The following IGSF10 variants were observed in gnomAD, a reference collection of about 807,000 sequenced individuals.
IGSF10 encodes the protein immunoglobulin superfamily member 10.
A neutral mutation model predicts 128.2 loss-of-function variants in IGSF10; 126 were observed. The ratio of observed to expected loss-of-function variants is 0.98; its 90% CI spans 0.85 to 1.14. The LOEUF is 1.14. Among genes scored for constraint, IGSF10 ranks in the 50% most tolerant of loss-of-function variants. The pLI, the probability that IGSF10 is intolerant of heterozygous loss-of-function variation, is 0.00. For missense variants in IGSF10, 3,295 were observed against 3,149.8 expected (o/e 1.05, Z -1.10); for synonymous variants, 1,185 against 1,146.2 (o/e 1.03, Z -0.68).
the IGSF10 span, among the ~76,000 whole-genome samples, chr3:151,617,296 T>TTCTTCC: frequency 7.6e-6 from 1 of 130,918 alleles, no homozygotes; most frequent in Non-Finnish European, 1.6e-5. Context: ...CTTCTTCTTC[T>TTCTTCC]TCTTCTTCTT....
At chr3:151,529,993 A>G in the IGSF10 span, among the ~76,000 whole-genome samples, 11 of 151,978 alleles carry the variant, frequency 7.2e-5, no homozygotes, top group Non-Finnish European at 1.3e-4. Flanking sequence ...TAACTAGAAT[A>G]ATCAGTTTAG....
chr3:151,432,553 A>T (rs553077248), downstream of IGSF10, among the ~76,000 whole-genome samples: 9 of 152,298 alleles, frequency 5.9e-5, no homozygotes, highest in South Asian at 4.1e-4. Context: ...GCAAGTGTGG[A>T]CTGTGAATAA....
chr3:151,545,478 T>C, the IGSF10 span, among the ~76,000 whole-genome samples: 2 of 152,342 alleles, frequency 1.3e-5, no homozygotes, highest in African/African-American at 4.8e-5. Context: ...TGCTAAATAA[T>C]AGGCTTTCTA....
chr3:151,500,575 A>C, the IGSF10 span, among the ~76,000 whole-genome samples: 1 of 152,044 alleles, frequency 6.6e-6, no homozygotes, highest in Non-Finnish European at 1.5e-5. Context: ...TTTTAAATTC[A>C]TTTTCTTAGA....
At chr3:151,481,372 T>C in the IGSF10 span, among the ~76,000 whole-genome samples, 1 of 152,182 alleles carries the variant, frequency 6.6e-6, no homozygotes, top group Admixed American at 6.5e-5. Context: ...CATCTTTCCA[T>C]TCTTGGGTCC....
chr3:151,509,849 G>C, the IGSF10 span, among the ~76,000 whole-genome samples: 2 of 152,178 alleles, frequency 1.3e-5, no homozygotes, highest in African/African-American at 4.8e-5. Context: ...GGCTCAGAGG[G>C]TCTTACACCC....
the IGSF10 span, among the ~76,000 whole-genome samples, chr3:151,528,195 T>C: frequency 3.3e-5 from 5 of 152,184 alleles, no homozygotes; most frequent in African/African-American, 9.7e-5. Flanking sequence ...AGCAGTGAAC[T>C]TGAAACATAA....
chr3:151,560,659 A>G, the IGSF10 span, among the ~76,000 whole-genome samples: 1 of 152,060 alleles, frequency 6.6e-6, no homozygotes, highest in East Asian at 1.9e-4. Context: ...AAGGTCTGGG[A>G]CTACTCATGT....
chr3:151,439,854 T>G (rs1031685145), intron 7 of IGSF10, among the ~76,000 whole-genome samples: 2 of 152,220 alleles, frequency 1.3e-5, no homozygotes, highest in African/African-American at 4.8e-5. Context: ...CAGTGGAGAC[T>G]CAACTGGTGC....
At chr3:151,463,966 A>G (rs957880567), upstream of IGSF10, among the ~76,000 whole-genome samples, 13 of 152,224 alleles carry the variant, frequency 8.5e-5, no homozygotes, top group Non-Finnish European at 1.8e-4. Context: ...CTATAGATTC[A>G]TATGGTTTAC....
the IGSF10 span, among the ~76,000 whole-genome samples, chr3:151,561,062 A>G: frequency 7.9e-5 from 12 of 152,166 alleles, no homozygotes; most frequent in Non-Finnish European, 1.6e-4. Flanking sequence ...ATTCTTTGAT[A>G]AAATCTGGTT....
At chr3:151,519,853 C>T in the IGSF10 span, among the ~76,000 whole-genome samples, 39 of 151,772 alleles carry the variant, frequency 2.6e-4, no homozygotes, top group African/African-American at 9.4e-4. Flanking sequence ...CAGTAAACAT[C>T]TCCCAGTGAG....
the IGSF10 span, among the ~76,000 whole-genome samples, chr3:151,548,881 A>G: frequency 4.0e-5 from 6 of 151,692 alleles, no homozygotes; most frequent in African/African-American, 1.5e-4. Context: ...ATTTCCAAAC[A>G]TTATTTTTCT....
the IGSF10 span, among the ~76,000 whole-genome samples, chr3:151,525,002 CTTTTTTTTTTTTTTTTTTTTTTTTTTT>C: frequency 4.0e-5 from 2 of 49,692 alleles, no homozygotes; most frequent in Non-Finnish European, 6.9e-5. Flanking sequence ...TGCATTACAC[CTTTTTTTTTTTTTTTTTTTTTTTTTTT>C]TTTTTTTTTT....
the IGSF10 span, among the ~76,000 whole-genome samples, chr3:151,558,008 A>ATATAT: frequency 2.6e-5 from 1 of 37,840 alleles, no homozygotes; most frequent in Non-Finnish European, 4.5e-5. Context: ...TATATATAAT[A>ATATAT]TATATATATA....
the IGSF10 span, among the ~76,000 whole-genome samples, chr3:151,584,220 T>C: frequency 1.3e-5 from 2 of 152,326 alleles, no homozygotes; most frequent in Non-Finnish European, 2.9e-5. Context: ...TCTTTAGGAA[T>C]GTTTCTTGCC....
chr3:151,460,919 CG>C (rs1319964181), intron 1 of IGSF10, 26 bp downstream of exon 1: 28 of 985,106 alleles, frequency 2.8e-5, no homozygotes, highest in Non-Finnish European at 3.4e-5. Context: ...CAGCCCTTTC[CG>C]GGGAAGGATT....
the IGSF10 span, among the ~76,000 whole-genome samples, chr3:151,540,611 C>T: frequency 6.6e-6 from 1 of 152,102 alleles, no homozygotes; most frequent in Non-Finnish European, 1.5e-5. Context: ...TTGTTCGTAC[C>T]TCTGGTGCAC....
At chr3:151,432,887 AT>A (rs1719691926), downstream of IGSF10, 1 of 1,017,344 alleles carries the variant, frequency 9.8e-7, no homozygotes, top group Non-Finnish European at 1.5e-6. Flanking sequence ...CATCTTAAAA[AT>A]GTCCCTTTTT....
Sources: gnomAD v4.1 joint callset for allele counts (sites outside exome capture counted in the v4.1 genomes callset) on GRCh38, gnomAD v4.1.1 for gene constraint, MANE v1.5 for transcripts, NCBI Gene and HGNC (gene_info 2026-07-23, HGNC 2026-07-21) for gene names.